Variants in MALRD1 observed in about 807,000 individuals in gnomAD.
The protein encoded by MALRD1 is MAM and LDL-receptor class A domain-containing protein 1.
MALRD1 carries 247 observed loss-of-function variants against 242.1 expected under a neutral mutation model. That is an observed-to-expected ratio of 1.02 (90% CI 0.92 to 1.13). MALRD1 has a LOEUF of 1.13. Among genes scored for constraint, MALRD1 ranks in the 50% most tolerant of loss-of-function variants. The pLI, the probability that MALRD1 is intolerant of heterozygous loss-of-function variation, is 0.00. For synonymous variants in MALRD1, 995 were observed against 866.6 expected, an observed-to-expected ratio of 1.15 and a Z score of -2.60; for missense variants, 2,989 against 2,533.1, an observed-to-expected ratio of 1.18 and a Z score of -3.86.
chr10:19,124,043 CAAAAAAAA>C (rs71387044), intron 6 of MALRD1, among the ~76,000 whole-genome samples: 3 of 87,286 alleles, frequency 3.4e-5, no homozygotes, highest in Admixed American at 1.2e-4. Context: ...TCATCTCTAC[CAAAAAAAA>C]AAAAAAAAAA....
At chr10:19,502,986 A>G (rs1411119899) in intron 31 of MALRD1, among the ~76,000 whole-genome samples, 2 of 152,138 alleles carry the variant, frequency 1.3e-5, no homozygotes, top group Non-Finnish European at 2.9e-5. Context: ...TTCATCAAAG[A>G]TCACATGAAA....
At chr10:19,495,094 A>G (rs1190302097) in intron 30 of MALRD1, among the ~76,000 whole-genome samples, 1 of 151,850 alleles carries the variant, frequency 6.6e-6, no homozygotes, top group Non-Finnish European at 1.5e-5. Context: ...CTCCCGCCTC[A>G]GCCTCATTAG....
intron 26 of MALRD1, among the ~76,000 whole-genome samples, chr10:19,381,673 CAAA>C (rs542568281): frequency 1.7e-5 from 2 of 118,572 alleles, no homozygotes; most frequent in African/African-American, 3.0e-5. Flanking sequence ...ACTAAAAATA[CAAA>C]AAAAAAAAAA....
intron 38 of MALRD1, among the ~76,000 whole-genome samples, chr10:19,707,241 C>A (rs1353992943): frequency 6.6e-6 from 1 of 151,976 alleles, no homozygotes; most frequent in Non-Finnish European, 1.5e-5. Context: ...CCTCCTTCTC[C>A]TTCTTCTTTC....
rs76263119 is a variant in MALRD1, at chr10:19,634,870, G to A, written c.6137+18947G>A. Among the ~76,000 whole-genome samples the A allele has an allele frequency of 9.3e-3, 1,411 of 152,256 alleles. 19 individuals carry two copies. The highest frequency in any genetic ancestry group is 0.032 in the African/African-American group (1,324 of 41,574). On this transcript the variant is annotated intron_variant, in intron 36 of 39. Coordinates refer to ENST00000454679, the MANE Select transcript of MALRD1 (RefSeq NM_001142308.3). Reference sequence around the variant, plus strand: ...TTGGCTGGACATCTCACTCCACTAAGAGAATCAACAAAAAGTGCTTCCAGG... The same window carrying A: ...TTGGCTGGACATCTCACTCCACTAAAAGAATCAACAAAAAGTGCTTCCAGG...
chr10:19,343,409 GC>G (rs199860151), intron 24 of MALRD1, among the ~76,000 whole-genome samples: 1,533 of 152,068 alleles, frequency 0.01, 21 homozygotes, highest in African/African-American at 0.027. Context: ...TTCATTACAT[GC>G]ATAAATTTGT....
intron 19 of MALRD1, among the ~76,000 whole-genome samples, chr10:19,267,252 A>T (rs1007185072): frequency 6.6e-6 from 1 of 152,254 alleles, no homozygotes; most frequent in Admixed American, 6.5e-5. Flanking sequence ...TTTAAGTATT[A>T]TATGAATATC....
At chr10:19,460,882 C>A (rs1048588630) in intron 29 of MALRD1, among the ~76,000 whole-genome samples, 1 of 152,060 alleles carries the variant, frequency 6.6e-6, no homozygotes, top group Non-Finnish European at 1.5e-5. Context: ...CTGCGCAGTC[C>A]GGGAATTCCT....
chr10:19,604,851 G>C (rs535490799), intron 34 of MALRD1, among the ~76,000 whole-genome samples: 2 of 152,152 alleles, frequency 1.3e-5, no homozygotes, highest in Non-Finnish European at 2.9e-5. Context: ...ACAATTTTAT[G>C]TGACTTGCAT....
chr10:19,584,523 A>C (rs1361704215), intron 33 of MALRD1, among the ~76,000 whole-genome samples: 1 of 152,100 alleles, frequency 6.6e-6, no homozygotes, highest in Admixed American at 6.6e-5. Flanking sequence ...GTTTCCATGT[A>C]GTTGAGCGGT....
intron 12 of MALRD1, among the ~76,000 whole-genome samples, chr10:19,165,281 T>G (rs867821023): frequency 1.0e-5 from 1 of 95,726 alleles, no homozygotes; most frequent in Non-Finnish European, 2.0e-5. Flanking sequence ...TTTTGTTTTG[T>G]TTTTGTTTTG....
intron 7 of MALRD1, among the ~76,000 whole-genome samples, chr10:19,127,752 G>A (rs1370954690): frequency 1.3e-5 from 2 of 151,982 alleles, no homozygotes; most frequent in African/African-American, 2.4e-5. Context: ...ATGTGGCTTG[G>A]TAAGAAAGAA....
chr10:19,587,116 G>T (rs1422465118), intron 33 of MALRD1, among the ~76,000 whole-genome samples: 1 of 152,144 alleles, frequency 6.6e-6, no homozygotes. Context: ...ACTGACCTGC[G>T]TCCACTGTCT....
chr10:19,155,198 T>G (rs1227254740), intron 12 of MALRD1, 26 bp downstream of exon 12: 5 of 1,198,184 alleles, frequency 4.2e-6, no homozygotes, highest in Admixed American at 8.5e-5. Context: ...GAATTTCCAC[T>G]GGCCATTCTG....
At chr10:19,105,173 T>C (rs541960126) in intron 5 of MALRD1, among the ~76,000 whole-genome samples, 2 of 152,188 alleles carry the variant, frequency 1.3e-5, no homozygotes, top group Non-Finnish European at 2.9e-5. Context: ...CCGTCCATGC[T>C]ATCCTCCCCA....
At chr10:19,292,603 A>G (rs1357523305) in intron 21 of MALRD1, among the ~76,000 whole-genome samples, 2 of 152,106 alleles carry the variant, frequency 1.3e-5, no homozygotes, top group African/African-American at 4.8e-5. Flanking sequence ...AGCCACATAA[A>G]TAATGCAGGC....
At chr10:19,046,963 G>A (rs1834353172), upstream of MALRD1, among the ~76,000 whole-genome samples, 1 of 152,166 alleles carries the variant, frequency 6.6e-6, no homozygotes, top group South Asian at 2.1e-4. Context: ...AGAGCATAGG[G>A]AAGCATTGAG....
intron 18 of MALRD1, among the ~76,000 whole-genome samples, chr10:19,252,038 G>A (rs1839313963): frequency 6.6e-6 from 1 of 151,966 alleles, no homozygotes; most frequent in African/African-American, 2.4e-5. Flanking sequence ...CTGTGGAACT[G>A]TGAGTCAATG....
rs1197670439 is a variant in MALRD1, at chr10:19,065,287, C to CAAAAAAAAAAAAA, written c.200-1422_200-1410dup. On this transcript the variant is annotated intron_variant, in intron 1 of 39. Transcript: ENST00000454679. ...GGGCAACAAGAGCAAAACGCTGTCT[C>CAAAAAAAAAAAAA]AAAAAAAAAAAAAAAAAAAAAAGGA... Among the ~76,000 whole-genome samples the CAAAAAAAAAAAAA allele has an allele frequency of 2.5e-3, 129 of 50,594 alleles. 4 individuals carry two copies. Among genetic ancestry groups the CAAAAAAAAAAAAA allele is most frequent in the East Asian group, 6.5e-3 (7 of 1,080 alleles). The allele number at this position is 50,594 out of a possible 152,430, so 33.2% of individuals were successfully genotyped here. A position where few individuals can be genotyped will look rare whatever the true frequency, so the allele number is the denominator to read the frequency against.
Sources: gnomAD v4.1 joint callset for allele counts (sites outside exome capture counted in the v4.1 genomes callset) on GRCh38, gnomAD v4.1.1 for gene constraint, MANE v1.5 for transcripts, NCBI Gene and HGNC (gene_info 2026-07-23, HGNC 2026-07-21) for gene names.